The following HS6ST3 variants were observed in gnomAD, a reference collection of about 807,000 sequenced individuals.
HS6ST3 encodes heparan-sulfate 6-O-sulfotransferase 3.
HS6ST3 carries 12 observed loss-of-function variants against 36.7 expected under a neutral mutation model. The ratio of observed to expected loss-of-function variants is 0.33; its 90% CI spans 0.21 to 0.53. The LOEUF (loss-of-function observed/expected upper bound fraction) is 0.53. Ranked by LOEUF, HS6ST3 falls within the 20% of genes least tolerant of loss-of-function variation. HS6ST3 has a pLI of 0.95. For missense variants in HS6ST3, 584 were observed against 640.9 expected (o/e 0.91, Z 0.96); for synonymous variants, 240 against 257.5 (o/e 0.93, Z 0.65).
Position 96,541,176 on chromosome 13 carries a change from G to A in HS6ST3, c.708-291314G>A, listed in dbSNP as rs1306756760. On this transcript the variant is annotated intron_variant, in intron 1 of 1. Transcript: ENST00000376705. ...GCCTCCCAAGTAGCTGGGATCACAG[G>A]TGCCCGCTGCCACCCCACCTGGCTA... is the stretch of plus-strand genomic sequence containing the variant. Among the ~76,000 whole-genome samples, 7 of 152,162 alleles carry A rather than the reference G, an allele frequency of 4.6e-5. No homozygotes were observed. In the South Asian group the frequency reaches 6.2e-4, roughly 14 times the overall value.
At chr13:96,092,439 C>T (rs2053769566) in intron 1 of HS6ST3, among the ~76,000 whole-genome samples, 1 of 152,178 alleles carries the variant, frequency 6.6e-6, no homozygotes, top group African/African-American at 2.4e-5. Flanking sequence ...GCCAATGAAA[C>T]TGCTTACATT....
At chr13:96,598,537 C>T (rs1351024154) in intron 1 of HS6ST3, among the ~76,000 whole-genome samples, 5 of 152,186 alleles carry the variant, frequency 3.3e-5, no homozygotes, top group Admixed American at 6.6e-5. Context: ...TAACCTGAGA[C>T]GTTACTGAGT....
chr13:96,306,966 C>T (rs1403650856), intron 1 of HS6ST3, among the ~76,000 whole-genome samples: 1 of 152,150 alleles, frequency 6.6e-6, no homozygotes, highest in Non-Finnish European at 1.5e-5. Flanking sequence ...AACACTGATT[C>T]AAGTAAATAC....
chr13:96,474,478 G>A (rs904672357), intron 1 of HS6ST3, among the ~76,000 whole-genome samples: 1 of 152,136 alleles, frequency 6.6e-6, no homozygotes, highest in Non-Finnish European at 1.5e-5. Context: ...GTGCTAACTC[G>A]GTGTGGGTCC....
intron 1 of HS6ST3, among the ~76,000 whole-genome samples, chr13:96,552,480 AG>A (rs1241008081): frequency 6.6e-6 from 1 of 152,140 alleles, no homozygotes; most frequent in Admixed American, 6.5e-5. Context: ...CTAGAGTGGA[AG>A]GGTCAGAGGT....
At chr13:96,167,744 T>C (rs2054168164) in intron 1 of HS6ST3, among the ~76,000 whole-genome samples, 1 of 152,252 alleles carries the variant, frequency 6.6e-6, no homozygotes. Context: ...TAAGATATTA[T>C]ATGCAAGTGT....
intron 1 of HS6ST3, among the ~76,000 whole-genome samples, chr13:96,108,567 A>ATG (rs2053853223): frequency 6.6e-6 from 1 of 152,132 alleles, no homozygotes; most frequent in Admixed American, 6.6e-5. Context: ...CGGGGGCATC[A>ATG]TGGAACCTGC....
chr13:96,790,873 G>C (rs370194395), intron 1 of HS6ST3, among the ~76,000 whole-genome samples: 14 of 152,064 alleles, frequency 9.2e-5, no homozygotes, highest in African/African-American at 3.4e-4. Flanking sequence ...ACAAAATTCT[G>C]ATAAATGTTT....
intron 1 of HS6ST3, among the ~76,000 whole-genome samples, chr13:96,807,865 C>CAA (rs59485746): frequency 1.2e-3 from 105 of 86,290 alleles, no homozygotes; most frequent in Non-Finnish European, 1.5e-3. Context: ...GACTCCAACT[C>CAA]AAAAAAAAAA....
rs373651004 is a variant in HS6ST3 at position 96,163,269 on chromosome 13, G to A, written c.707+71700G>A. ...TTTTGAGATGGAGTCTCGCTCTGTC[G>A]CCCAGGCTGGAGTGCAGTGGTGCCA... On this transcript the variant is annotated intron_variant, in intron 1 of 1. Transcript: ENST00000376705. 3.9e-3 allele frequency among the ~76,000 whole-genome samples: 469 copies of A among 120,186 alleles called. 3 individuals are homozygous for A. The highest frequency in any genetic ancestry group is 3.6e-3 in the Non-Finnish European group (224 of 62,796). 78.8% of individuals were successfully genotyped at this position (120,186 alleles called of 152,430 possible).
chr13:96,753,570 CTT>C (rs1010392485), intron 1 of HS6ST3, among the ~76,000 whole-genome samples: 13 of 152,224 alleles, frequency 8.5e-5, no homozygotes, highest in African/African-American at 3.1e-4. Flanking sequence ...GCTAAACTCT[CTT>C]ATTAATTCTA....
intron 1 of HS6ST3, among the ~76,000 whole-genome samples, chr13:96,184,515 T>G (rs1237459818): frequency 6.6e-6 from 1 of 152,212 alleles, no homozygotes; most frequent in African/African-American, 2.4e-5. Context: ...GCTCTCAGTC[T>G]CTACCACAGT....
At chr13:96,185,887 C>T (rs913955169) in intron 1 of HS6ST3, among the ~76,000 whole-genome samples, 4 of 152,078 alleles carry the variant, frequency 2.6e-5, no homozygotes, top group African/African-American at 7.2e-5. Flanking sequence ...CAATGGGAAA[C>T]GTTTATTCGC....
At chr13:96,612,172 G>A (rs1336558078) in intron 1 of HS6ST3, among the ~76,000 whole-genome samples, 2 of 152,136 alleles carry the variant, frequency 1.3e-5, no homozygotes, top group African/African-American at 4.8e-5. Context: ...TGATTAGGAA[G>A]ATGTTACTGA....
chr13:96,124,017 A>T (rs185446766), intron 1 of HS6ST3, among the ~76,000 whole-genome samples: 30 of 152,336 alleles, frequency 2.0e-4, no homozygotes, highest in Admixed American at 1.2e-3. Context: ...AATCGTATGC[A>T]TGGGCAGTTT....
intron 1 of HS6ST3, among the ~76,000 whole-genome samples, chr13:96,446,371 A>T (rs2055699049): frequency 6.6e-6 from 1 of 152,170 alleles, no homozygotes; most frequent in African/African-American, 2.4e-5. Flanking sequence ...GCATATTGAC[A>T]TACCCAGCAG....
chr13:96,554,063 G>T (rs754635277), intron 1 of HS6ST3, among the ~76,000 whole-genome samples: 2 of 152,210 alleles, frequency 1.3e-5, no homozygotes, highest in Non-Finnish European at 2.9e-5. Flanking sequence ...GGTTGATTAG[G>T]CAGCTAGCTG....
intron 1 of HS6ST3, among the ~76,000 whole-genome samples, chr13:96,170,933 G>GCACACA (rs1343226446): frequency 2.0e-5 from 3 of 151,744 alleles, no homozygotes; most frequent in Admixed American, 6.6e-5. Flanking sequence ...GCGCACGTGC[G>GCACACA]CACACACACA....
At chr13:96,474,526 T>C (rs1031908962) in intron 1 of HS6ST3, among the ~76,000 whole-genome samples, 1 of 152,174 alleles carries the variant, frequency 6.6e-6, no homozygotes, top group Non-Finnish European at 1.5e-5. Context: ...CATTATACAA[T>C]CAGTATGCAT....
Sources: gnomAD v4.1 joint callset for allele counts (sites outside exome capture counted in the v4.1 genomes callset) on GRCh38, gnomAD v4.1.1 for gene constraint, MANE v1.5 for transcripts, NCBI Gene and HGNC (gene_info 2026-07-23, HGNC 2026-07-21) for gene names.